Variants in ARG1 observed in about 807,000 individuals in gnomAD.
The protein encoded by ARG1 is arginase-1.
ARG1 carries 20 observed loss-of-function variants against 33.0 expected under a neutral mutation model. That is an observed-to-expected ratio of 0.61 (90% confidence interval 0.43 to 0.88). The LOEUF is 0.88. Ranked by LOEUF, ARG1 falls within the 40% of genes least tolerant of loss-of-function variation. The pLI is 0.00. For missense variants in ARG1, 374 were observed against 384.7 expected (o/e 0.97, Z 0.23); for synonymous variants, 146 against 140.6 (o/e 1.04, Z -0.27).
chr6:131,583,854 A>G lies in ARG1; in HGVS notation c.915A>G (p.Gly305=), dbSNP rs771190594. 5.6e-6 allele frequency: 9 copies of G among 1,614,034 alleles called. No homozygotes were observed. The highest frequency in any genetic ancestry group is 7.6e-6 in the Non-Finnish European group (9 of 1,180,006). Residue 305 remains glycine, a synonymous_variant, in exon 8 of 8, where the codon GGA becomes GGG. Coordinates refer to ENST00000368087, the MANE Select transcript of ARG1 (RefSeq NM_000045.4). ...TTGCAATAACCTTGGCTTGTTTCGG[A>G]CTTGCTCGGGAGGGTAATCACAAGC... ...TAVAITLACF[G]LAREGNHKPI... is the part of the protein sequence containing the mutation.
At position 131,579,241 on chromosome 6, in the gene ARG1, CAAGA is replaced by C. The variant is rs1773790103; in HGVS notation, c.263_266del (p.Lys88ArgfsTer45). 2 of 1,614,022 alleles carry C rather than the reference CAAGA, an allele frequency of 1.2e-6. No individual in the cohort carries two copies. The highest frequency in any genetic ancestry group is 4.5e-5 in the East Asian group (2 of 44,876). ...AGCTGGCTGGCAAGGTGGCAGAAGT[CAAGA>C]AGAACGGAAGAATCAGCCTGGTGCT... is the stretch of plus-strand genomic sequence containing the variant. On this transcript the variant is annotated frameshift_variant, in exon 3 of 8. Coordinates refer to ENST00000368087, the MANE Select transcript of ARG1 (RefSeq NM_000045.4). LOFTEE classifies it high-confidence loss of function.
intron 4 of ARG1, among the ~76,000 whole-genome samples, 171 bp downstream of exon 4, chr6:131,581,549 A>C (rs1773927414): frequency 6.6e-6 from 1 of 152,236 alleles, no homozygotes; most frequent in Non-Finnish European, 1.5e-5. Flanking sequence ...GAGGCTCTCT[A>C]TCTCTGCCTT....
At chr6:131,576,572 G>A (rs1773622171) in intron 1 of ARG1, 91 bp from the exon 2 acceptor site, 1 of 1,256,844 alleles carries the variant, frequency 8.0e-7, no homozygotes, top group East Asian at 2.3e-5. Flanking sequence ...GATAGTTACA[G>A]TTCAACTGAT....
intron 1 of ARG1, among the ~76,000 whole-genome samples, chr6:131,576,436 T>C (rs1160334383): frequency 1.3e-5 from 2 of 152,202 alleles, no homozygotes; most frequent in African/African-American, 4.8e-5. Flanking sequence ...TGTGTGCCAG[T>C]CTGAAAACCA....
chr6:131,583,513 T>C (rs1263528582), intron 7 of ARG1, 22 bp downstream of exon 7: 33 of 1,613,628 alleles, frequency 2.0e-5, no homozygotes, highest in Non-Finnish European at 2.8e-5. Context: ...TCTGAGGTAA[T>C]AGAGAAGCAA....
chr6:131,579,192 G>T lies in ARG1; in HGVS notation c.212G>T (p.Arg71Met). ...CCCTTTCAAATTGTGAAGAATCCAAGGTCTGTGGGAAAAGCAAGCGAGCAG... is the reference window on the plus strand; with the variant it reads ...CCCTTTCAAATTGTGAAGAATCCAATGTCTGTGGGAAAAGCAAGCGAGCAG... ...DSPFQIVKNP[R>M]SVGKASEQLA... Residue 71 changes from arginine (R) to methionine (M), a missense_variant, in exon 3 of 8, where the codon AGG (arginine) becomes ATG (methionine). Arg to Met is a moderately conservative substitution (Grantham distance 91, BLOSUM62 -1). Coordinates refer to ENST00000368087, the MANE Select transcript of ARG1 (RefSeq NM_000045.4). The T allele has an allele frequency of 1.2e-6, 2 of 1,614,074 alleles. No individual in the cohort carries two copies. Among genetic ancestry groups the T allele is most frequent in the Non-Finnish European group, 1.7e-6 (2 of 1,180,004 alleles).
rs1211764471 is a variant in ARG1 at position 131,579,255 on chromosome 6, G to C, written c.275G>C (p.Arg92Thr). The C allele has an allele frequency of 6.2e-7, 1 of 1,614,116 alleles. No homozygotes were observed. Among genetic ancestry groups the C allele is most frequent in the South Asian group, 1.1e-5 (1 of 91,072 alleles). Residue 92 changes from arginine (R) to threonine (T), a missense_variant, in exon 3 of 8, where the codon AGA becomes ACA. Transcript: ENST00000368087. ...GTGGCAGAAGTCAAGAAGAACGGAAGAATCAGCCTGGTGCTGGGCGGAGAC... is the reference window on the plus strand; with the variant it reads ...GTGGCAGAAGTCAAGAAGAACGGAACAATCAGCCTGGTGCTGGGCGGAGAC... ...GKVAEVKKNG[R>T]ISLVLGGDHS...
Position 131,576,672 on chromosome 6 carries a change from G to T in ARG1, c.67G>T (p.Gly23Trp), listed in dbSNP as rs1773627584. The change falls in exon 2 of 8, where the codon GGG becomes TGG. Residue 23 changes from glycine (G) to tryptophan (W), a missense_variant. Coordinates refer to ENST00000368087, the MANE Select transcript of ARG1 (RefSeq NM_000045.4). ...TTTTTTAATTGTTCAGCCACGAGGA[G>T]GGGTGGAAGAAGGCCCTACAGTATT... Reference protein sequence around the residue: ...APFSKGQPRGGVEEGPTVLRK... With the variant: ...APFSKGQPRGWVEEGPTVLRK... The T allele has an allele frequency of 1.2e-6, 2 of 1,613,790 alleles. No homozygotes were observed. The highest frequency in any genetic ancestry group is 1.3e-5 in the African/African-American group (1 of 74,908).
In ARG1 at chr6:131,583,795, C is replaced by T; in HGVS notation, c.856C>T (p.Pro286Ser). The T allele has an allele frequency of 3.1e-6, 5 of 1,614,030 alleles. No individual in the cohort carries two copies. Among genetic ancestry groups the T allele is most frequent in the South Asian group, 2.2e-5 (2 of 91,070 alleles). Residue 286 changes from proline (P) to serine (S), a missense_variant, in exon 8 of 8, where the codon CCA becomes TCA. Pro to Ser is a moderately conservative substitution (Grantham distance 74). Coordinates refer to ENST00000368087, the MANE Select transcript of ARG1 (RefSeq NM_000045.4). Reference sequence around the variant, plus strand: ...AGTGAACCCATCCCTGGGGAAGACACCAGAAGAAGTAACTCGAACAGTGAA... The same window carrying T: ...AGTGAACCCATCCCTGGGGAAGACATCAGAAGAAGTAACTCGAACAGTGAA... ...MEVNPSLGKT[P>S]EEVTRTVNTA...
chr6:131,577,135 C>T (rs2114521024), intron 2 of ARG1, among the ~76,000 whole-genome samples: 1 of 152,194 alleles, frequency 6.6e-6, no homozygotes, highest in Middle Eastern at 3.4e-3. Context: ...AACAACAGCG[C>T]CTAGTGTGGG....
intron 3 of ARG1, among the ~76,000 whole-genome samples, chr6:131,580,443 A>G (rs1332889851): frequency 6.6e-6 from 1 of 152,240 alleles, no homozygotes; most frequent in Non-Finnish European, 1.5e-5. Context: ...ATACTTAAAC[A>G]TTCACAAATG....
Position 131,573,231 on chromosome 6 carries a change from T to C in ARG1, c.-52T>C. 1 of 1,601,196 alleles carries C rather than the reference T, an allele frequency of 6.2e-7. No individual in the cohort carries two copies. The highest frequency in any genetic ancestry group is 8.6e-7 in the Non-Finnish European group (1 of 1,168,312). On this transcript the variant is annotated 5_prime_UTR_variant, in exon 1 of 8. Transcript: ENST00000368087. The stretch of plus-strand genomic sequence containing the variant: ...AAAAAAAAGATGCGCCCTCTGTCAC[T>C]GAGGGTTGACTGACTGGAGAGCTCA...
rs1774040997 is a variant in ARG1 at position 131,583,430 on chromosome 6, A to G, written c.741A>G (p.Pro247=). ...CTTTCACACCAGCTACTGGCACACC[A>G]GTCGTGGGAGGTCTGACATACAGAG... ...DPSFTPATGT[P]VVGGLTYREG... The change falls in exon 7 of 8, where the codon CCA becomes CCG. Residue 247 remains proline, a synonymous_variant. Transcript: ENST00000368087. 6.2e-7 allele frequency: 1 copy of G among 1,614,044 alleles called. No homozygotes were observed. The highest frequency in any genetic ancestry group is 8.5e-7 in the Non-Finnish European group (1 of 1,180,006).
chr6:131,573,296 C>A lies in ARG1; in HGVS notation c.14C>A (p.Ser5Tyr). The A allele has an allele frequency of 6.2e-7, 1 of 1,613,950 alleles. No individual in the cohort carries two copies. Residue 5 changes from serine to tyrosine, a missense_variant, in exon 1 of 8, where the codon TCC becomes TAC. Physicochemically the swap from Ser to Tyr is moderately radical, Grantham distance 144. Coordinates refer to ENST00000368087, the MANE Select transcript of ARG1 (RefSeq NM_000045.4). MSAK[S>Y]RTIGIIGAPF... The stretch of plus-strand genomic sequence containing the variant: ...AAGTGTCAGAGCATGAGCGCCAAGT[C>A]CAGAACCATAGGGATTATTGGAGCT...
Position 131,584,150 on chromosome 6 carries a change from T to C in ARG1, c.*242T>C, listed in dbSNP as rs1774083780. 6.1e-6 allele frequency: 3 copies of C among 493,598 alleles called. 1 individual carries two copies. The South Asian group carries it at 7.1e-5, about 12-fold the overall frequency. The allele number at this position is 493,598 out of a possible 1,614,324, so 30.6% of individuals were successfully genotyped here. A position where few individuals can be genotyped will look rare whatever the true frequency, so the allele number is the denominator to read the frequency against. Reference sequence around the variant, plus strand: ...AAAGACTTATCCTTAGAAAGAGAAGTGTACATTGATTTCCAATTAAAAATT... The same window carrying C: ...AAAGACTTATCCTTAGAAAGAGAAGCGTACATTGATTTCCAATTAAAAATT... On this transcript the variant is annotated 3_prime_UTR_variant, in exon 8 of 8. Transcript: ENST00000368087.
chr6:131,580,551 C>G (rs184952013), intron 3 of ARG1, among the ~76,000 whole-genome samples: 2 of 152,220 alleles, frequency 1.3e-5, no homozygotes, highest in Admixed American at 1.3e-4. Context: ...CTAATAAATC[C>G]TAACTTTTAA....
Position 131,583,499 on chromosome 6 carries a change from A to T in ARG1, c.802+8A>T, listed in dbSNP as rs1247895740. 6.2e-7 allele frequency: 1 copy of T among 1,614,130 alleles called. No homozygotes were observed. Among genetic ancestry groups the T allele is most frequent in the Non-Finnish European group, 8.5e-7 (1 of 1,179,974 alleles). On this transcript the variant is annotated splice_region_variant and intron_variant, in intron 7 of 7. Coordinates refer to ENST00000368087, the MANE Select transcript of ARG1 (RefSeq NM_000045.4). ...AAGAAATCTACAAAACAGGTAGTTA[A>T]CAATCTGAGGTAATAGAGAAGCAAG... is the stretch of plus-strand genomic sequence containing the variant.
chr6:131,578,679 T>G (rs1773752608), intron 2 of ARG1, among the ~76,000 whole-genome samples: 1 of 152,118 alleles, frequency 6.6e-6, no homozygotes, highest in African/African-American at 2.4e-5. Context: ...TTTCTAAATT[T>G]TCTGAGAATA....
intron 1 of ARG1, 80 bp from the exon 2 acceptor site, chr6:131,576,583 T>C: frequency 3.0e-6 from 4 of 1,345,718 alleles, no homozygotes; most frequent in Non-Finnish European, 4.3e-6. Flanking sequence ...TTCAACTGAT[T>C]AAATAATGAA....
Sources: allele counts gnomAD v4.1 joint callset (sites outside exome capture counted in the v4.1 genomes callset), GRCh38; gene constraint gnomAD v4.1.1; transcripts MANE v1.5; gene names NCBI Gene and HGNC (gene_info 2026-07-23, HGNC 2026-07-21).